SCTR: variants seen among roughly 807,000 people sequenced by gnomAD.
The protein encoded by SCTR is pancreatic secretin receptor.
SCTR carries 56 observed loss-of-function variants against 60.8 expected under a neutral mutation model. The observed-to-expected ratio is 0.92, with a 90% confidence interval of 0.74 to 1.15. The LOEUF (loss-of-function observed/expected upper bound fraction) is 1.15. SCTR is among the 50% of genes most tolerant of loss of function. SCTR has a pLI of 0.00. For synonymous variants in SCTR, 202 were observed against 217.0 expected (o/e 0.93, Z 0.61); for missense variants, 562 against 550.4 (o/e 1.02, Z -0.21).
intron 8 of SCTR, among the ~76,000 whole-genome samples, chr2:119,452,549 T>C (rs1683214239): frequency 6.6e-6 from 1 of 152,128 alleles, no homozygotes; most frequent in Non-Finnish European, 1.5e-5. Flanking sequence ...CAAGGAAAAA[T>C]GGAACGTGTT....
At position 119,479,013 on chromosome 2, in the gene SCTR, A is replaced by G. The variant is rs1677476667; in HGVS notation, c.194-95T>C. The G allele has an allele frequency of 3.2e-6, 5 of 1,554,000 alleles. No homozygotes were observed. In the East Asian group the frequency reaches 1.2e-4, roughly 36 times the overall value. ...TCACCGACACCCTTGCCTGCCTGGA[A>G]TTCCCACTAGACTACTTTCAAAGCT... is the stretch of plus-strand genomic sequence containing the variant. On this transcript the variant is annotated intron_variant, in intron 2 of 12. Coordinates refer to ENST00000019103, the MANE Select transcript of SCTR (RefSeq NM_002980.3).
Position 119,456,545 on chromosome 2 carries a change from G to T in SCTR, c.791-3198C>A, listed in dbSNP as rs780850280. Among the ~76,000 whole-genome samples the T allele has an allele frequency of 2.6e-5, 4 of 152,118 alleles. 1 individual carries two copies. The highest frequency in any genetic ancestry group is 9.7e-5 in the African/African-American group (4 of 41,418). ...GGGAGATGAGAAAGAAAGGAAACAG[G>T]ATTTGTGGAAGAAGGTGAAAGCTAA... On this transcript the variant is annotated intron_variant, in intron 7 of 12. Coordinates refer to ENST00000019103, the MANE Select transcript of SCTR (RefSeq NM_002980.3).
rs1450907460 is a variant in SCTR, at chr2:119,473,807, C to T, written c.302-251G>A. 2.0e-5 allele frequency among the ~76,000 whole-genome samples: 3 copies of T among 152,162 alleles called. No homozygotes were observed. The East Asian group carries it at 5.8e-4, about 29-fold the overall frequency. On this transcript the variant is annotated intron_variant, in intron 3 of 12. Coordinates refer to ENST00000019103, the MANE Select transcript of SCTR (RefSeq NM_002980.3). ...GTGCCAGTCCCCCTTCTCACCCCAG[C>T]CGGGTGCTGCTCCTGATCCCAGGCC... is the stretch of plus-strand genomic sequence containing the variant.
chr2:119,462,935 G>T (rs1372649985), intron 6 of SCTR, among the ~76,000 whole-genome samples: 1 of 152,180 alleles, frequency 6.6e-6, no homozygotes, highest in Non-Finnish European at 1.5e-5. Context: ...GTCCACTGCT[G>T]GTCAGTAATG....
At chr2:119,499,955 G>A (rs1247232653) in intron 1 of SCTR, among the ~76,000 whole-genome samples, 1 of 152,008 alleles carries the variant, frequency 6.6e-6, no homozygotes, top group Admixed American at 6.6e-5. Context: ...CAGATAAGAA[G>A]GAGGAACACA....
At chr2:119,508,039 A>G (rs2587664) in intron 1 of SCTR, among the ~76,000 whole-genome samples, 6,061 of 152,232 alleles carry the variant, frequency 0.04, 216 homozygotes, top group African/African-American at 0.09. Context: ...AAACTTAACT[A>G]GGCAATTGGT....
chr2:119,441,719 C>T, intron 11 of SCTR, 120 bp from the exon 12 acceptor site: 2 of 834,796 alleles, frequency 2.4e-6, no homozygotes, highest in South Asian at 3.0e-5. Flanking sequence ...ATTTCCCCAC[C>T]TCTCTTGCCT....
intron 1 of SCTR, among the ~76,000 whole-genome samples, chr2:119,515,697 G>T (rs1303694317): frequency 1.3e-5 from 2 of 152,164 alleles, no homozygotes; most frequent in Non-Finnish European, 2.9e-5. Context: ...TGGTTCCCAG[G>T]ACTCTAGCTT....
chr2:119,516,095 A>G (rs2579613), intron 1 of SCTR, among the ~76,000 whole-genome samples: 10,664 of 152,274 alleles, frequency 0.07, 642 homozygotes, highest in African/African-American at 0.16. Context: ...GGAGAAAAGG[A>G]GACTCTTACA....
Position 119,441,553 on chromosome 2 carries a change from C to T in SCTR, c.1182+5G>A, listed in dbSNP as rs769391106. 4.2e-5 allele frequency: 68 copies of T among 1,610,914 alleles called. No homozygotes were observed. The Admixed American group carries it at 1.1e-3, about 27-fold the overall frequency. ...TGGGTACCTGGGTGACCCAAGACTA[C>T]TCACCTCCCCATTGAGGAAGCAGTA... On this transcript the variant is annotated splice_donor_5th_base_variant and intron_variant, in intron 12 of 12. Transcript: ENST00000019103.
chr2:119,451,936 C>A, intron 9 of SCTR, 74 bp downstream of exon 9: 1 of 926,246 alleles, frequency 1.1e-6, no homozygotes, highest in Non-Finnish European at 1.8e-6. Context: ...TCCTTCCACC[C>A]TCTGCCCCTG....
At position 119,516,062 on chromosome 2, in the gene SCTR, A is replaced by G. The variant is rs72834835; in HGVS notation, c.72+8093T>C. On this transcript the variant is annotated intron_variant, in intron 1 of 12. Transcript: ENST00000019103. ...CTGTTAGGGGGGCTAATGTGGGGTGAGAACAAGTGCTAACAATGATGTGGA... is the reference window on the plus strand; with the variant it reads ...CTGTTAGGGGGGCTAATGTGGGGTGGGAACAAGTGCTAACAATGATGTGGA... Among the ~76,000 whole-genome samples, 698 of 152,368 alleles carry G rather than the reference A, an allele frequency of 4.6e-3. 10 individuals are homozygous for G. Among genetic ancestry groups the G allele is most frequent in the Non-Finnish European group, 4.1e-3 (282 of 68,040 alleles).
rs1001317144 is a variant in SCTR, at chr2:119,485,562, A to G, written c.194-6644T>C. ...AAAACCTGGGACTATTTCTGGAGCA[A>G]TGTGTCAGGCTGCAGTGGCAGGGGG... On this transcript the variant is annotated intron_variant, in intron 2 of 12. Coordinates refer to ENST00000019103, the MANE Select transcript of SCTR (RefSeq NM_002980.3). Among the ~76,000 whole-genome samples the G allele has an allele frequency of 4.6e-5, 7 of 152,184 alleles. No homozygotes were observed. The East Asian group carries it at 7.7e-4, about 17-fold the overall frequency.
intron 2 of SCTR, among the ~76,000 whole-genome samples, chr2:119,490,282 C>T (rs779991801): frequency 6.6e-6 from 1 of 152,210 alleles, no homozygotes; most frequent in African/African-American, 2.4e-5. Flanking sequence ...TGGCCGAGTG[C>T]ATGGGCTAAA....
intron 7 of SCTR, 25 bp downstream of exon 7, chr2:119,461,822 A>T (rs768244754): frequency 8.8e-6 from 14 of 1,593,944 alleles, no homozygotes; most frequent in South Asian, 6.9e-5. Context: ...TACCATGCAG[A>T]TATCAGACCC....
rs1004958972 is a variant in SCTR at position 119,439,880 on chromosome 2, C to G, written c.*237G>C. 2 of 505,022 alleles carry G rather than the reference C, an allele frequency of 4.0e-6. No individual in the cohort carries two copies. Among genetic ancestry groups the G allele is most frequent in the African/African-American group, 3.8e-5 (2 of 52,400 alleles). The allele number at this position is 505,022 out of a possible 1,614,324, so 31.3% of individuals were successfully genotyped here. ...CCAGGCACCATTTATTTCCCTGTCC[C>G]TTTCTGGGACCCCTGAACTTCTCTT... On this transcript the variant is annotated 3_prime_UTR_variant, in exon 13 of 13. Transcript: ENST00000019103.
intron 1 of SCTR, among the ~76,000 whole-genome samples, chr2:119,514,564 A>G (rs1412078184): frequency 2.0e-5 from 3 of 152,166 alleles, no homozygotes; most frequent in Non-Finnish European, 4.4e-5. Context: ...GGGAGGAGAT[A>G]TAATAAAAAT....
chr2:119,522,263 T>C (rs922177076), intron 1 of SCTR, among the ~76,000 whole-genome samples: 2 of 150,118 alleles, frequency 1.3e-5, no homozygotes, highest in Non-Finnish European at 3.0e-5. Context: ...GCCACTGCGC[T>C]CCAGCCTGGG....
intron 2 of SCTR, among the ~76,000 whole-genome samples, chr2:119,492,598 T>C (rs1334782675): frequency 6.6e-6 from 1 of 152,192 alleles, no homozygotes; most frequent in Non-Finnish European, 1.5e-5. Flanking sequence ...AAGTGTACAA[T>C]TTAGTGGTTT....
Sources: allele counts gnomAD v4.1 joint callset (sites outside exome capture counted in the v4.1 genomes callset), GRCh38; gene constraint gnomAD v4.1.1; transcripts MANE v1.5; gene names NCBI Gene and HGNC (gene_info 2026-07-23, HGNC 2026-07-21).